DCAKD: variants seen among roughly 807,000 people sequenced by gnomAD.
DCAKD encodes the protein dephospho-CoA kinase domain-containing protein.
In DCAKD, 15 loss-of-function variants were observed where a neutral mutation model predicts 18.7. The ratio of observed to expected loss-of-function variants is 0.80; its 90% CI spans 0.54 to 1.24. DCAKD has a LOEUF of 1.24. Ranked by LOEUF, DCAKD falls within the 50% of genes most tolerant of loss-of-function variation. DCAKD has a pLI of 0.00. For synonymous variants in DCAKD, 130 were observed against 133.0 expected (o/e 0.98, Z 0.16); for missense variants, 301 against 322.0 (o/e 0.93, Z 0.50).
chr17:45,050,344 C>T (rs2053665504), intron 1 of DCAKD, among the ~76,000 whole-genome samples: 2 of 152,194 alleles, frequency 1.3e-5, no homozygotes, highest in East Asian at 1.9e-4. Context: ...GTGCCCGGCC[C>T]AGAGGGTAAT....
At chr17:45,037,646 A>G (rs1322553413) in intron 1 of DCAKD, among the ~76,000 whole-genome samples, 2 of 151,946 alleles carry the variant, frequency 1.3e-5, no homozygotes, top group Non-Finnish European at 2.9e-5. Context: ...TTTAGTAGAC[A>G]TGGGGTTTTG....
chr17:45,054,921 T>C (rs79712245), upstream of DCAKD, among the ~76,000 whole-genome samples: 2,354 of 152,270 alleles, frequency 0.015, 56 homozygotes, highest in South Asian at 0.069. Context: ...TACAGTATTA[T>C]AACTATTCAT....
At chr17:45,044,827 C>T (rs973892144) in intron 1 of DCAKD, among the ~76,000 whole-genome samples, 8 of 152,242 alleles carry the variant, frequency 5.3e-5, no homozygotes, top group South Asian at 2.1e-4. Flanking sequence ...AACCACTAAT[C>T]GCCAGGGTGA....
chr17:45,041,471 C>T (rs546699194), intron 1 of DCAKD, among the ~76,000 whole-genome samples: 2 of 152,164 alleles, frequency 1.3e-5, no homozygotes, highest in South Asian at 2.1e-4. Context: ...CCATCATGCC[C>T]GGCTAATTTT....
At position 45,034,841 on chromosome 17, in the gene DCAKD, G is replaced by A. The variant is rs2053255813; in HGVS notation, c.45C>T (p.Ser15=). Residue 15 remains serine, a synonymous_variant, in exon 2 of 5, where the codon AGC becomes AGT. Transcript: ENST00000651974. ...GCTGCTGGAACACCTGGATCACTGA[G>A]CTCTTGCCTGAGGCAATGCCCCCTG... ...GLTGGIASGK[S]SVIQVFQQLG... 2 of 1,614,100 alleles carry A rather than the reference G, an allele frequency of 1.2e-6. No homozygotes were observed. Among genetic ancestry groups the A allele is most frequent in the Non-Finnish European group, 1.7e-6 (2 of 1,180,054 alleles).
chr17:45,060,833 G>C (rs2053842579), intron 1 of DCAKD: 1 of 166,824 alleles, frequency 6.0e-6, no homozygotes, highest in South Asian at 1.6e-4. Flanking sequence ...AGAAGGCCTG[G>C]GGCATTCCGG....
At chr17:45,052,544 G>T (rs975306322), upstream of DCAKD, among the ~76,000 whole-genome samples, 2 of 152,096 alleles carry the variant, frequency 1.3e-5, no homozygotes, top group Non-Finnish European at 2.9e-5. Flanking sequence ...CTCAAAGTGG[G>T]GATAATCGCA....
chr17:45,027,069 A>G (rs903819706), intron 4 of DCAKD, among the ~76,000 whole-genome samples: 3 of 152,240 alleles, frequency 2.0e-5, no homozygotes, highest in Non-Finnish European at 2.9e-5. Context: ...TTGGCTGGGC[A>G]CAGTGGCTCA....
At chr17:45,039,718 T>G (rs1402061846) in intron 1 of DCAKD, among the ~76,000 whole-genome samples, 1 of 152,136 alleles carries the variant, frequency 6.6e-6, no homozygotes, top group African/African-American at 2.4e-5. Context: ...GGGCTGGAGT[T>G]TCAGTGCCAA....
chr17:45,052,755 C>T (rs2053733650), upstream of DCAKD, among the ~76,000 whole-genome samples: 2 of 151,722 alleles, frequency 1.3e-5, no homozygotes, highest in Admixed American at 1.3e-4. Context: ...CTCATTTACT[C>T]GGGAGGCTGA....
chr17:45,043,759 T>G (rs1597971291), intron 1 of DCAKD, among the ~76,000 whole-genome samples: 1 of 152,154 alleles, frequency 6.6e-6, no homozygotes, highest in Non-Finnish European at 1.5e-5. Flanking sequence ...GGGAATGTTT[T>G]TCTATACAAT....
At chr17:45,041,334 C>A (rs80120688) in intron 1 of DCAKD, among the ~76,000 whole-genome samples, 1 of 147,092 alleles carries the variant, frequency 6.8e-6, no homozygotes, top group Non-Finnish European at 1.5e-5. Context: ...TTTTTTGAGA[C>A]GGAGTCTGGC....
intron 3 of DCAKD, among the ~76,000 whole-genome samples, chr17:45,032,564 C>CATG (rs1261143832): frequency 6.6e-6 from 1 of 151,878 alleles, no homozygotes; most frequent in Non-Finnish European, 1.5e-5. Flanking sequence ...GCAGGCATAT[C>CATG]ATGAGGTCAG....
rs774248707 is a variant in DCAKD, at chr17:45,036,009, A to C, written c.-114-1010T>G. 2.4e-4 allele frequency among the ~76,000 whole-genome samples: 37 copies of C among 152,296 alleles called. No individual in the cohort carries two copies. The Middle Eastern group carries it at 0.024, about 98-fold the overall frequency. ...CTCTTGCCAAGAAGGAATGTGAGGGAAAGGCCAGGAGGCTGGGCGATGCTG... is the reference window on the plus strand; with the variant it reads ...CTCTTGCCAAGAAGGAATGTGAGGGCAAGGCCAGGAGGCTGGGCGATGCTG... On this transcript the variant is annotated intron_variant, in intron 1 of 4. Transcript: ENST00000651974.
At chr17:45,045,266 C>T (rs2053540505) in intron 1 of DCAKD, among the ~76,000 whole-genome samples, 1 of 152,146 alleles carries the variant, frequency 6.6e-6, no homozygotes, top group Non-Finnish European at 1.5e-5. Context: ...ATATATAAAA[C>T]AGCACCCCTG....
At chr17:45,026,952 G>T in intron 4 of DCAKD, 1 of 313,490 alleles carries the variant, frequency 3.2e-6, no homozygotes, top group Non-Finnish European at 4.6e-6. Context: ...CCTTCCTGGG[G>T]CTCAGAAATG....
At chr17:45,031,141 A>G (rs1173398117) in intron 3 of DCAKD, 2 of 985,264 alleles carry the variant, frequency 2.0e-6, no homozygotes, top group Admixed American at 6.1e-5. Context: ...ATCCCACTCC[A>G]AACACTTCCA....
intron 1 of DCAKD, among the ~76,000 whole-genome samples, chr17:45,047,502 C>G (rs1567848556): frequency 7.4e-6 from 1 of 135,592 alleles, no homozygotes; most frequent in East Asian, 2.0e-4. Context: ...CCTGGCTAGT[C>G]TCTTTTTTTT....
chr17:45,027,081 G>A (rs745984567), intron 4 of DCAKD, among the ~76,000 whole-genome samples: 4 of 152,220 alleles, frequency 2.6e-5, no homozygotes, highest in African/African-American at 4.8e-5. Flanking sequence ...AGTGGCTCAT[G>A]CCTATAATCC....
Sources: gnomAD v4.1 joint callset for allele counts (sites outside exome capture counted in the v4.1 genomes callset) on GRCh38, gnomAD v4.1.1 for gene constraint, MANE v1.5 for transcripts, NCBI Gene and HGNC (gene_info 2026-07-23, HGNC 2026-07-21) for gene names.